LRRC28: variants seen among roughly 807,000 people sequenced by gnomAD.
LRRC28 encodes the protein leucine rich repeat containing 28.
LRRC28 carries 39 observed loss-of-function variants against 45.7 expected under a neutral mutation model. The observed-to-expected ratio is 0.85, with a 90% confidence interval of 0.66 to 1.12. The LOEUF (loss-of-function observed/expected upper bound fraction) is 1.12, where lower values mean the gene tolerates loss of function less well. LRRC28 is among the 50% of genes most tolerant of loss of function. The pLI is 0.00. For missense variants in LRRC28, 435 were observed against 438.5 expected, an observed-to-expected ratio of 0.99 and a Z score of 0.07; for synonymous variants, 206 against 178.8, an observed-to-expected ratio of 1.15 and a Z score of -1.22.
chr15:99,269,611 C>T lies in LRRC28; in HGVS notation c.169-6965C>T, dbSNP rs189946144. On this transcript the variant is annotated intron_variant, in intron 2 of 9. Coordinates refer to ENST00000301981, the MANE Select transcript of LRRC28 (RefSeq NM_144598.5). ...TAGAGACGGGTTTCACCATGTTGGC[C>T]GGGCTGGTCTTGAATTCCTGACCTC... 1.8e-4 allele frequency among the ~76,000 whole-genome samples: 28 copies of T among 152,298 alleles called. No homozygotes were observed. The East Asian group carries it at 3.7e-3, about 20-fold the overall frequency.
chr15:99,306,959 T>A (rs1416984831), intron 5 of LRRC28, among the ~76,000 whole-genome samples: 2 of 152,208 alleles, frequency 1.3e-5, no homozygotes, highest in Non-Finnish European at 2.9e-5. Flanking sequence ...GAGAAGAGCC[T>A]TCAGCCCTGA....
At chr15:99,356,720 C>T (rs1567693367) in intron 7 of LRRC28, among the ~76,000 whole-genome samples, 1 of 152,026 alleles carries the variant, frequency 6.6e-6, no homozygotes, top group East Asian at 1.9e-4. Context: ...AAATCCTAAG[C>T]AGTATAAATT....
chr15:99,252,438 T>G (rs1160536494), intron 1 of LRRC28, among the ~76,000 whole-genome samples: 1 of 152,184 alleles, frequency 6.6e-6, no homozygotes, highest in Non-Finnish European at 1.5e-5. Flanking sequence ...GCCAGAACAT[T>G]CAGAAGGAAA....
At position 99,387,467 on chromosome 15, in the gene LRRC28, A is replaced by G. The variant is rs115524434; in HGVS notation, c.*1365A>G. On this transcript the variant is annotated 3_prime_UTR_variant, in exon 10 of 10. Transcript: ENST00000301981. ...GTTGGCCCTCGTTTCTTGTATACTT[A>G]GCTTACTGCCCAGATGCAACTGAGA... 6.6e-6 allele frequency: 1 copy of G among 152,160 alleles called. No individual in the cohort carries two copies. Among genetic ancestry groups the G allele is most frequent in the Non-Finnish European group, 1.5e-5 (1 of 68,032 alleles). The allele number at this position is 152,160 out of a possible 1,614,324, so 9.4% of individuals were successfully genotyped here.
At chr15:99,385,772 C>G (rs1957967111) in intron 9 of LRRC28, among the ~76,000 whole-genome samples, 1 of 147,388 alleles carries the variant, frequency 6.8e-6, no homozygotes, top group Non-Finnish European at 1.5e-5. Flanking sequence ...TTAGTTTCTA[C>G]TTTAGGGATA....
chr15:99,324,928 G>A (rs985823661), intron 5 of LRRC28, among the ~76,000 whole-genome samples: 4 of 152,112 alleles, frequency 2.6e-5, no homozygotes, highest in Non-Finnish European at 5.9e-5. Context: ...GCATGACACA[G>A]CAATAAATAT....
intron 5 of LRRC28, among the ~76,000 whole-genome samples, chr15:99,292,480 T>C (rs1472524941): frequency 6.7e-6 from 1 of 149,048 alleles, no homozygotes; most frequent in Non-Finnish European, 1.5e-5. Context: ...TTCTCCTGCC[T>C]CAGCCTCCCG....
intron 3 of LRRC28, among the ~76,000 whole-genome samples, chr15:99,283,387 G>T (rs1467592330): frequency 1.3e-5 from 2 of 150,380 alleles, no homozygotes; most frequent in East Asian, 4.0e-4. Context: ...GCCGAGGTGG[G>T]TGGATCACGA....
intron 9 of LRRC28, among the ~76,000 whole-genome samples, chr15:99,364,787 C>A (rs1008374077): frequency 4.6e-5 from 7 of 152,094 alleles, no homozygotes; most frequent in Non-Finnish European, 8.8e-5. Context: ...GTGAAGAGCC[C>A]AGGATGGTGT....
At chr15:99,355,816 A>C (rs1957032970) in intron 7 of LRRC28, 1 of 152,046 alleles carries the variant, frequency 6.6e-6, no homozygotes, top group Non-Finnish European at 1.5e-5. Flanking sequence ...TTGTGTCCAA[A>C]TTGGTTAAAT....
At chr15:99,263,906 GAAA>G (rs757036732) in intron 2 of LRRC28, among the ~76,000 whole-genome samples, 41 of 151,914 alleles carry the variant, frequency 2.7e-4, no homozygotes, top group Non-Finnish European at 5.4e-4. Flanking sequence ...CAAGTTTAAG[GAAA>G]AAAAATGAAC....
chr15:99,385,065 T>G (rs1344613557), intron 9 of LRRC28, among the ~76,000 whole-genome samples: 1 of 152,180 alleles, frequency 6.6e-6, no homozygotes, highest in African/African-American at 2.4e-5. Flanking sequence ...AAGGGAGCTC[T>G]CTCTGGAGCC....
rs1023415870 is a variant in LRRC28, at chr15:99,324,187, G to A, written c.386-9736G>A. On this transcript the variant is annotated intron_variant, in intron 5 of 9. Coordinates refer to ENST00000301981, the MANE Select transcript of LRRC28 (RefSeq NM_144598.5). ...AATGACTAAGTGACTAATGGGCGAGGAGGGTAGACAGGGCGGGTACACTGG... is the reference window on the plus strand; with the variant it reads ...AATGACTAAGTGACTAATGGGCGAGAAGGGTAGACAGGGCGGGTACACTGG... Among the ~76,000 whole-genome samples, 21 of 152,280 alleles carry A rather than the reference G, an allele frequency of 1.4e-4. No homozygotes were observed. The East Asian group carries it at 3.7e-3, about 27-fold the overall frequency.
Position 99,287,298 on chromosome 15 carries a change from T to C in LRRC28, c.247+4T>C. The C allele has an allele frequency of 1.3e-6, 2 of 1,551,334 alleles. No homozygotes were observed. Among genetic ancestry groups the C allele is most frequent in the Non-Finnish European group, 8.7e-7 (1 of 1,152,174 alleles). ...AACATAGTTGTGGTTCCGGAAGGTA[T>C]GTTTAACTTAAAAATTTTAGTTAGA... is the stretch of plus-strand genomic sequence containing the variant. On this transcript the variant is annotated splice_donor_region_variant and intron_variant, in intron 4 of 9. Coordinates refer to ENST00000301981, the MANE Select transcript of LRRC28 (RefSeq NM_144598.5).
At chr15:99,280,126 C>T (rs527384228) in intron 3 of LRRC28, among the ~76,000 whole-genome samples, 2 of 151,846 alleles carry the variant, frequency 1.3e-5, no homozygotes, top group Admixed American at 1.3e-4. Flanking sequence ...AAATGCCTGT[C>T]CATGTCTATT....
chr15:99,257,973 T>G, intron 2 of LRRC28: 1 of 815,308 alleles, frequency 1.2e-6, no homozygotes, highest in South Asian at 1.4e-5. Flanking sequence ...ATAAGGCTGA[T>G]ATCACTGACT....
chr15:99,273,329 C>T (rs985823751), intron 2 of LRRC28, among the ~76,000 whole-genome samples: 26 of 152,010 alleles, frequency 1.7e-4, no homozygotes, highest in Admixed American at 3.3e-4. Flanking sequence ...CTCTGCCTCC[C>T]GGGTTCAGGC....
chr15:99,377,791 A>G (rs919003780), intron 9 of LRRC28, among the ~76,000 whole-genome samples: 1 of 152,122 alleles, frequency 6.6e-6, no homozygotes, highest in Non-Finnish European at 1.5e-5. Flanking sequence ...ACCATTTATT[A>G]AATAGGGAAT....
At chr15:99,354,907 G>T (rs1392441711) in intron 7 of LRRC28, among the ~76,000 whole-genome samples, 1 of 152,120 alleles carries the variant, frequency 6.6e-6, no homozygotes, top group African/African-American at 2.4e-5. Flanking sequence ...TCAGATTGAG[G>T]GTCTAAGAAT....
Sources: gnomAD v4.1 joint callset for allele counts (sites outside exome capture counted in the v4.1 genomes callset) on GRCh38, gnomAD v4.1.1 for gene constraint, MANE v1.5 for transcripts, NCBI Gene and HGNC (gene_info 2026-07-23, HGNC 2026-07-21) for gene names.